Variants in SQLE observed in about 807,000 individuals in gnomAD.
SQLE encodes squalene monooxygenase.
Under a neutral mutation model 60.7 loss-of-function variants are expected in SQLE, and 29 were observed. That is an observed-to-expected ratio of 0.48 (90% CI 0.36 to 0.65). The LOEUF (loss-of-function observed/expected upper bound fraction) is 0.65. SQLE is among the 30% of genes least tolerant of loss of function. SQLE has a pLI of 0.00. For missense variants in SQLE, 605 were observed against 684.1 expected, an observed-to-expected ratio of 0.88 and a Z score of 1.29; for synonymous variants, 237 against 246.8, an observed-to-expected ratio of 0.96 and a Z score of 0.37.
In SQLE at chr8:124,998,623, AGCC is replaced by A; in HGVS notation, c.-771_-769del. ...GGATGCTGGTGAGGAAGCCGTCGGGAGCCGCCGCCGCCATCTGAGGGAGGTACC... is the reference window on the plus strand; with the variant it reads ...GGATGCTGGTGAGGAAGCCGTCGGGAGCCGCCGCCATCTGAGGGAGGTACC... On this transcript the variant is annotated 5_prime_UTR_variant, in exon 1 of 11. Transcript: ENST00000265896. 1 of 682,380 alleles carries A rather than the reference AGCC, an allele frequency of 1.5e-6. No homozygotes were observed. Among genetic ancestry groups the A allele is most frequent in the Admixed American group, 2.1e-5 (1 of 47,958 alleles). The allele number at this position is 682,380 out of a possible 1,614,324, so 42.3% of individuals were successfully genotyped here.
In SQLE at chr8:125,021,882, G is replaced by T. The variant is rs772364929; in HGVS notation, c.1662G>T (p.Leu554Phe). 3.7e-6 allele frequency: 6 copies of T among 1,610,578 alleles called. No homozygotes were observed. The highest frequency in any genetic ancestry group is 4.2e-6 in the Non-Finnish European group (5 of 1,178,114). ...CCCTTCTCAGTAGTGGTGCTGTATT[G>T]TACAAAGCGTGTTCTGTAATATTTC... Reference protein sequence around the residue: ...PRALLSSGAVLYKACSVIFPL... With the variant: ...PRALLSSGAVFYKACSVIFPL... The change falls in exon 11 of 11, where the codon TTG (leucine) becomes TTT (phenylalanine). Residue 554 changes from leucine to phenylalanine, a missense_variant. Transcript: ENST00000265896.
intron 4 of SQLE, 116 bp from the exon 5 acceptor site, chr8:125,008,855 C>A: frequency 1.6e-6 from 1 of 625,652 alleles, no homozygotes; most frequent in Non-Finnish European, 2.5e-6. Context: ...TTCAACTACT[C>A]TCTATAATGC....
At chr8:124,999,902 T>C (rs1814814572) in intron 1 of SQLE, 4 of 744,586 alleles carry the variant, frequency 5.4e-6, no homozygotes, top group African/African-American at 3.5e-5. Flanking sequence ...TCATTTAGCA[T>C]TGGTTGAGCC....
chr8:125,010,832 A>G (rs1815028288), intron 6 of SQLE: 1 of 151,534 alleles, frequency 6.6e-6, no homozygotes, highest in South Asian at 2.1e-4. Flanking sequence ...CCCTGAAATT[A>G]TGGAGAGAAA....
chr8:125,018,011 G>C, intron 7 of SQLE, 48 bp from the exon 8 acceptor site: 1 of 1,581,564 alleles, frequency 6.3e-7, no homozygotes, highest in Non-Finnish European at 8.6e-7. Context: ...TTTTTGTTTT[G>C]TCTCAAGGGA....
intron 7 of SQLE, among the ~76,000 whole-genome samples, chr8:125,017,453 T>A (rs535318240): frequency 3.3e-5 from 5 of 151,972 alleles, no homozygotes; most frequent in Admixed American, 6.6e-5. Flanking sequence ...CACTCAAGGC[T>A]CCAGGGCTCT....
Position 125,005,303 on chromosome 8 carries a change from A to G in SQLE, c.545-222A>G, listed in dbSNP as rs561275047. The stretch of plus-strand genomic sequence containing the variant: ...AGTTGAAGTGGAATTACAGACCTGA[A>G]ATAGTTATGTTGTTATCTTTAAATG... On this transcript the variant is annotated intron_variant, in intron 2 of 10. Coordinates refer to ENST00000265896, the MANE Select transcript of SQLE (RefSeq NM_003129.4). Among the ~76,000 whole-genome samples the G allele has an allele frequency of 2.0e-5, 3 of 152,300 alleles. 1 individual carries two copies. Among genetic ancestry groups the G allele is most frequent in the South Asian group, 4.1e-4 (2 of 4,828 alleles).
chr8:125,015,430 T>C (rs909477616), intron 7 of SQLE, among the ~76,000 whole-genome samples: 1 of 152,210 alleles, frequency 6.6e-6, no homozygotes, highest in African/African-American at 2.4e-5. Flanking sequence ...CCATTTTGTT[T>C]TTGTTTTCTG....
At chr8:125,013,670 C>T (rs1284471559) in intron 7 of SQLE, among the ~76,000 whole-genome samples, 1 of 152,062 alleles carries the variant, frequency 6.6e-6, no homozygotes, top group African/African-American at 2.4e-5. Context: ...CCTATATTTT[C>T]TTCTAAGAGT....
intron 1 of SQLE, among the ~76,000 whole-genome samples, chr8:125,000,281 A>G (rs952953290): frequency 4.6e-5 from 7 of 152,192 alleles, no homozygotes; most frequent in African/African-American, 1.7e-4. Flanking sequence ...GATTCCTGCA[A>G]AGGGAGCAGA....
In SQLE at chr8:125,005,556, A is replaced by G. The variant is rs757038906; in HGVS notation, c.576A>G (p.Val192=). 2 of 1,607,060 alleles carry G rather than the reference A, an allele frequency of 1.2e-6. No homozygotes were observed. Among genetic ancestry groups the G allele is most frequent in the Non-Finnish European group, 8.5e-7 (1 of 1,175,706 alleles). ...TGGAAGGTCTTGATGCCCAGGTTGT[A>G]AATGGTTACATGATTCATGATCAGG... The part of the protein sequence containing the change: ...DTVEGLDAQV[V]NGYMIHDQES... Residue 192 remains valine (V), a synonymous_variant, in exon 3 of 11, where the codon GTA becomes GTG. Transcript: ENST00000265896.
chr8:125,017,833 G>A (rs1226050371), intron 7 of SQLE: 1 of 537,320 alleles, frequency 1.9e-6, no homozygotes, highest in South Asian at 2.2e-5. Flanking sequence ...CCACACTCTT[G>A]TTATTACCAT....
At position 125,018,207 on chromosome 8, in the gene SQLE, A is replaced by T; in HGVS notation, c.1347+6A>T. On this transcript the variant is annotated splice_donor_region_variant and intron_variant, in intron 8 of 10. Coordinates refer to ENST00000265896, the MANE Select transcript of SQLE (RefSeq NM_003129.4). ...ATGATGCAGCTATTTTCGAGGTAAGATCAATTATTTTGACAAAAATGTCTC... is the reference window on the plus strand; with the variant it reads ...ATGATGCAGCTATTTTCGAGGTAAGTTCAATTATTTTGACAAAAATGTCTC... 1 of 1,608,054 alleles carries T rather than the reference A, an allele frequency of 6.2e-7. No homozygotes were observed. The highest frequency in any genetic ancestry group is 8.5e-7 in the Non-Finnish European group (1 of 1,178,276).
chr8:125,018,252 G>A, intron 8 of SQLE, 51 bp downstream of exon 8: 3 of 1,593,580 alleles, frequency 1.9e-6, no homozygotes, highest in South Asian at 1.1e-5. Flanking sequence ...TTATTTCTGG[G>A]GGTTAAGAGC....
At position 125,007,403 on chromosome 8, in the gene SQLE, T is replaced by C. The variant is rs1213000201; in HGVS notation, c.738T>C (p.Ile246=). The part of the protein sequence containing the change: ...AAMAEPNAKF[I]EGVVLQLLEE... ...TTTTATTCTTTAGTGCAAAGTTTAT[T>C]GAAGGTGTTGTGTTACAGTTATTAG... Residue 246 remains isoleucine (I), a synonymous_variant, in exon 4 of 11, where the codon ATT becomes ATC. Coordinates refer to ENST00000265896, the MANE Select transcript of SQLE (RefSeq NM_003129.4). The C allele has an allele frequency of 1.3e-6, 2 of 1,550,740 alleles. No individual in the cohort carries two copies. The highest frequency in any genetic ancestry group is 1.4e-5 in the African/African-American group (1 of 73,314).
intron 7 of SQLE, chr8:125,017,830 C>T: frequency 3.8e-6 from 2 of 530,698 alleles, no homozygotes; most frequent in South Asian, 4.5e-5. Context: ...AGGCCACACT[C>T]TTGTTATTAC....
chr8:125,003,584 A>G (rs543269503), intron 2 of SQLE, among the ~76,000 whole-genome samples, 156 bp downstream of exon 2: 142 of 152,324 alleles, frequency 9.3e-4, no homozygotes, highest in African/African-American at 3.3e-3. Flanking sequence ...AGTGAGAGCA[A>G]AGGATAAAAT....
intron 6 of SQLE, 124 bp downstream of exon 6, chr8:125,009,467 C>A: frequency 9.9e-7 from 1 of 1,005,138 alleles, no homozygotes; most frequent in Non-Finnish European, 1.4e-6. Flanking sequence ...TAAACTAGCA[C>A]TTAAAAACAG....
chr8:125,015,393 G>A (rs185038598), intron 7 of SQLE, among the ~76,000 whole-genome samples: 1 of 152,222 alleles, frequency 6.6e-6, no homozygotes, highest in East Asian at 1.9e-4. Context: ...TACATTGAAT[G>A]TTATTATTGG....
Sources: allele counts gnomAD v4.1 joint callset (sites outside exome capture counted in the v4.1 genomes callset), GRCh38; gene constraint gnomAD v4.1.1; transcripts MANE v1.5; gene names NCBI Gene and HGNC (gene_info 2026-07-23, HGNC 2026-07-21).